Variants in COA1 observed in about 807,000 individuals in gnomAD.
The protein encoded by COA1 is cytochrome c oxidase assembly factor 1 homolog.
COA1 carries 13 observed loss-of-function variants against 16.0 expected under a neutral mutation model. The observed-to-expected ratio is 0.81, with a 90% CI of 0.53 to 1.29. The LOEUF is 1.29. Ranked by LOEUF, COA1 falls within the 50% of genes most tolerant of loss-of-function variation. The probability of loss-of-function intolerance (pLI) is 0.00; values close to 1 mark genes in which losing one functional copy is unlikely to be tolerated. For missense variants in COA1, 179 were observed against 177.0 expected, an observed-to-expected ratio of 1.01 and a Z score of -0.06; for synonymous variants, 65 against 65.7, an observed-to-expected ratio of 0.99 and a Z score of 0.05.
intron 1 of COA1, among the ~76,000 whole-genome samples, chr7:43,727,429 A>ATTCACCT (rs1335438925): frequency 1.3e-5 from 2 of 152,260 alleles, no homozygotes; most frequent in African/African-American, 4.8e-5. Flanking sequence ...GAATGTTCAC[A>ATTCACCT]GCAGCATTAC....
chr7:43,625,433 T>TA (rs1324678164), intron 6 of COA1: 9 of 152,246 alleles, frequency 5.9e-5, no homozygotes, highest in Admixed American at 5.9e-4. Context: ...TAAATACTAG[T>TA]AACATATCAG....
chr7:43,644,781 GGC>G lies in COA1; in HGVS notation c.264+468_264+469del, dbSNP rs1563229346. On this transcript the variant is annotated intron_variant, in intron 4 of 5. Transcript: ENST00000223336. ...AGATAGGCAGGCAGGCAGGCAGGCA[GGC>G]AGGCAGGCAGAGAGACAGAGAGAGA... Among the ~76,000 whole-genome samples the G allele has an allele frequency of 2.1e-3, 252 of 120,980 alleles. 1 individual carries two copies. The highest frequency in any genetic ancestry group is 7.1e-3 in the African/African-American group (213 of 29,842). 79.4% of individuals were successfully genotyped at this position (120,980 alleles called of 152,430 possible).
At chr7:43,666,584 TAAA>T (rs1021093249) in intron 1 of COA1, among the ~76,000 whole-genome samples, 2 of 152,136 alleles carry the variant, frequency 1.3e-5, no homozygotes, top group Non-Finnish European at 2.9e-5. Flanking sequence ...CTTCAAGAAA[TAAA>T]AACAGTCTTA....
intron 4 of COA1, 73 bp downstream of exon 4, chr7:43,645,178 C>G: frequency 6.8e-7 from 1 of 1,471,176 alleles, no homozygotes. Context: ...AACTCCAGGA[C>G]TTTCCAGGAG....
chr7:43,689,927 T>C (rs1309216958), intron 1 of COA1, among the ~76,000 whole-genome samples: 1 of 151,914 alleles, frequency 6.6e-6, no homozygotes, highest in Non-Finnish European at 1.5e-5. Flanking sequence ...GGAGATAAAA[T>C]GAAATCACTA....
At chr7:43,636,325 C>A (rs1419505293), downstream of COA1, among the ~76,000 whole-genome samples, 1 of 150,020 alleles carries the variant, frequency 6.7e-6, no homozygotes, top group East Asian at 1.9e-4. Context: ...AATCACCCTC[C>A]CACCTCTTTC....
At chr7:43,715,006 TAAAAAAAAAAAAAAAAAA>T (rs755827781) in intron 1 of COA1, among the ~76,000 whole-genome samples, 1 of 95,776 alleles carries the variant, frequency 1.0e-5, no homozygotes, top group Admixed American at 1.2e-4. Flanking sequence ...GCCTCTTGTC[TAAAAAAAAAAAAAAAAAA>T]AAAAAAAAGG....
At chr7:43,708,815 A>G (rs563988057) in intron 1 of COA1, among the ~76,000 whole-genome samples, 5 of 152,154 alleles carry the variant, frequency 3.3e-5, no homozygotes, top group South Asian at 4.2e-4. Context: ...TATCCTATAC[A>G]TAATCCCTTT....
chr7:43,703,500 A>C (rs1007155211), intron 1 of COA1, among the ~76,000 whole-genome samples: 3 of 152,184 alleles, frequency 2.0e-5, no homozygotes, highest in African/African-American at 7.2e-5. Context: ...TTGTTTTATG[A>C]ATCTGGGTGC....
intron 6 of COA1, among the ~76,000 whole-genome samples, chr7:43,612,008 C>T (rs558026271): frequency 1.3e-5 from 2 of 152,322 alleles, no homozygotes; most frequent in African/African-American, 4.8e-5. Flanking sequence ...TTCTTGAATA[C>T]CAACTTTAAG....
chr7:43,720,568 T>C (rs1018900988), intron 1 of COA1, among the ~76,000 whole-genome samples: 1 of 152,214 alleles, frequency 6.6e-6, no homozygotes, highest in African/African-American at 2.4e-5. Flanking sequence ...TAATATATCC[T>C]GGCAGATCAA....
At chr7:43,629,362 T>G (rs559695716) in intron 6 of COA1, among the ~76,000 whole-genome samples, 1 of 152,348 alleles carries the variant, frequency 6.6e-6, no homozygotes, top group African/African-American at 2.4e-5. Context: ...GGATTTTTAT[T>G]AGGATTCACT....
At chr7:43,709,843 T>C (rs1392403557) in intron 1 of COA1, among the ~76,000 whole-genome samples, 1 of 152,100 alleles carries the variant, frequency 6.6e-6, no homozygotes, top group Non-Finnish European at 1.5e-5. Flanking sequence ...TTAAAAAATA[T>C]CATAAAGCCA....
chr7:43,612,407 C>G (rs528265841), intron 6 of COA1, among the ~76,000 whole-genome samples: 1 of 152,332 alleles, frequency 6.6e-6, no homozygotes, highest in Admixed American at 6.5e-5. Context: ...GTCTGCTGTC[C>G]TCTGTCTTCG....
chr7:43,697,952 G>C (rs2094581597), intron 1 of COA1, among the ~76,000 whole-genome samples: 1 of 152,188 alleles, frequency 6.6e-6, no homozygotes, highest in Non-Finnish European at 1.5e-5. Context: ...AAGGTAGATA[G>C]CAGCTCTTTC....
In COA1 at chr7:43,644,763, C is replaced by G. The variant is rs202164585; in HGVS notation, c.264+488G>C. Among the ~76,000 whole-genome samples, 243 of 80,616 alleles carry G rather than the reference C, an allele frequency of 3.0e-3. 3 individuals are homozygous for G. Among genetic ancestry groups the G allele is most frequent in the East Asian group, 0.024 (92 of 3,810 alleles). The allele number at this position is 80,616 out of a possible 152,430, so 52.9% of individuals were successfully genotyped here. A position where few individuals can be genotyped will look rare whatever the true frequency, so the allele number is the denominator to read the frequency against. ...ATAGATAGATAGATAGATAGATAGGCAGGCAGGCAGGCAGGCAGGCAGGCA... is the reference window on the plus strand; with the variant it reads ...ATAGATAGATAGATAGATAGATAGGGAGGCAGGCAGGCAGGCAGGCAGGCA... On this transcript the variant is annotated intron_variant, in intron 4 of 5. Coordinates refer to ENST00000223336, the MANE Select transcript of COA1 (RefSeq NM_018224.4).
intron 1 of COA1, among the ~76,000 whole-genome samples, chr7:43,660,048 C>CG (rs1256359853): frequency 2.0e-5 from 3 of 152,166 alleles, no homozygotes; most frequent in Non-Finnish European, 2.9e-5. Context: ...ACCCTGACAA[C>CG]ACCTTCATCT....
intron 1 of COA1, among the ~76,000 whole-genome samples, chr7:43,691,800 T>C (rs2094380933): frequency 6.6e-6 from 1 of 152,218 alleles, no homozygotes; most frequent in Non-Finnish European, 1.5e-5. Context: ...TCTGAAAGTG[T>C]AGGTCAGCAC....
At chr7:43,694,915 C>T (rs1008288556) in intron 1 of COA1, among the ~76,000 whole-genome samples, 8 of 152,220 alleles carry the variant, frequency 5.3e-5, no homozygotes, top group Non-Finnish European at 1.0e-4. Context: ...CTCAAACCTG[C>T]TTCTGCCACA....
Sources: allele counts gnomAD v4.1 joint callset (sites outside exome capture counted in the v4.1 genomes callset), GRCh38; gene constraint gnomAD v4.1.1; transcripts MANE v1.5; gene names NCBI Gene and HGNC (gene_info 2026-07-23, HGNC 2026-07-21).